DDAH1: variants seen among roughly 807,000 people sequenced by gnomAD.
DDAH1 encodes the protein dimethylarginine dimethylaminohydrolase 1.
A neutral mutation model predicts 28.8 loss-of-function variants in DDAH1; 19 were observed. The observed-to-expected ratio is 0.66, with a 90% CI of 0.46 to 0.97. The LOEUF is 0.97. Among genes scored for constraint, DDAH1 ranks in the 50% least tolerant of loss-of-function variants. The pLI, the probability that DDAH1 is intolerant of heterozygous loss-of-function variation, is 0.00. For synonymous variants in DDAH1, 153 were observed against 154.4 expected (o/e 0.99, Z 0.07); for missense variants, 326 against 375.9 (o/e 0.87, Z 1.10).
chr1:85,457,322 G>A (rs1387274789), intron 1 of DDAH1, among the ~76,000 whole-genome samples: 2 of 151,956 alleles, frequency 1.3e-5, no homozygotes, highest in Admixed American at 6.6e-5. Context: ...CTCAATAATC[G>A]CTCCTTCTGG....
intron 4 of DDAH1, among the ~76,000 whole-genome samples, chr1:85,339,137 CTT>C (rs1419968922): frequency 6.6e-6 from 1 of 151,724 alleles, no homozygotes; most frequent in Non-Finnish European, 1.5e-5. Context: ...AGTAGCCGAA[CTT>C]TATGGAGTTC....
intron 2 of DDAH1, among the ~76,000 whole-genome samples, chr1:85,470,396 A>AC (rs1439208707): frequency 6.6e-6 from 1 of 152,140 alleles, no homozygotes; most frequent in Non-Finnish European, 1.5e-5. Context: ...GAGGGAAACT[A>AC]CCCCACATGA....
intron 1 of DDAH1, among the ~76,000 whole-genome samples, chr1:85,429,145 C>T (rs561488707): frequency 6.6e-6 from 1 of 152,176 alleles, no homozygotes; most frequent in African/African-American, 2.4e-5. Context: ...AGGTATTTCT[C>T]CTAATGCTAT....
intron 1 of DDAH1, among the ~76,000 whole-genome samples, chr1:85,499,677 AAAG>A (rs930516410): frequency 2.0e-5 from 3 of 152,158 alleles, no homozygotes; most frequent in Admixed American, 6.5e-5. Flanking sequence ...AAAAAAAAAA[AAAG>A]AAACTTCTTG....
chr1:85,435,417 A>G (rs1027719824), intron 1 of DDAH1: 1 of 152,232 alleles, frequency 6.6e-6, no homozygotes, highest in African/African-American at 2.4e-5. Flanking sequence ...ATATTCATTG[A>G]GCATCTACTA....
chr1:85,494,467 G>C (rs1271257340), intron 2 of DDAH1: 2 of 152,132 alleles, frequency 1.3e-5, no homozygotes, highest in Non-Finnish European at 2.9e-5. Flanking sequence ...TACCACCCAG[G>C]AGACAGCAGG....
chr1:85,412,551 C>T (rs1652698304), intron 1 of DDAH1, among the ~76,000 whole-genome samples: 1 of 152,200 alleles, frequency 6.6e-6, no homozygotes, highest in African/African-American at 2.4e-5. Context: ...AAAACTTCCC[C>T]TTTATTTCCC....
intron 1 of DDAH1, among the ~76,000 whole-genome samples, chr1:85,560,986 T>C (rs539831844): frequency 6.6e-6 from 1 of 152,256 alleles, no homozygotes; most frequent in East Asian, 1.9e-4. Flanking sequence ...AAAATCTATA[T>C]TATGTTATTC....
At chr1:85,527,314 T>C (rs1259871771) in intron 1 of DDAH1, among the ~76,000 whole-genome samples, 1 of 149,596 alleles carries the variant, frequency 6.7e-6, no homozygotes, top group Non-Finnish European at 1.5e-5. Flanking sequence ...AGCGAAAGGC[T>C]TGTGCAGCGG....
intron 4 of DDAH1, among the ~76,000 whole-genome samples, chr1:85,326,339 T>G (rs1477129556): frequency 6.6e-6 from 1 of 152,248 alleles, no homozygotes; most frequent in East Asian, 1.9e-4. Context: ...TTTCCAAGAT[T>G]ACAGTTTAGT....
chr1:85,330,770 T>C (rs1205502802), intron 4 of DDAH1, among the ~76,000 whole-genome samples: 1 of 152,208 alleles, frequency 6.6e-6, no homozygotes, highest in African/African-American at 2.4e-5. Context: ...GATCAATTGG[T>C]GGTCAGCTCT....
chr1:85,516,594 C>G (rs1657486832), intron 1 of DDAH1, among the ~76,000 whole-genome samples: 1 of 150,160 alleles, frequency 6.7e-6, no homozygotes, highest in African/African-American at 2.5e-5. Flanking sequence ...ATGGCCTCAT[C>G]TGATACCAGC....
At chr1:85,485,994 A>G (rs1557682457) in intron 2 of DDAH1, among the ~76,000 whole-genome samples, 1 of 152,294 alleles carries the variant, frequency 6.6e-6, no homozygotes, top group East Asian at 1.9e-4. Context: ...ATTTTTCTGG[A>G]AATTTCACAC....
chr1:85,453,384 C>A (rs1570564287), intron 1 of DDAH1, among the ~76,000 whole-genome samples: 1 of 152,180 alleles, frequency 6.6e-6, no homozygotes, highest in African/African-American at 2.4e-5. Flanking sequence ...AATTACAGCT[C>A]CAAGTCTCAC....
intron 1 of DDAH1, among the ~76,000 whole-genome samples, chr1:85,451,427 T>C (rs1008297167): frequency 6.6e-6 from 1 of 152,198 alleles, no homozygotes; most frequent in African/African-American, 2.4e-5. Flanking sequence ...ACCTGTATTA[T>C]TGCATTTATT....
intron 1 of DDAH1, among the ~76,000 whole-genome samples, chr1:85,372,368 T>C (rs1650428442): frequency 6.6e-6 from 1 of 152,262 alleles, no homozygotes; most frequent in African/African-American, 2.4e-5. Context: ...TCTAACATTG[T>C]GTTAAAAAAT....
intron 2 of DDAH1, among the ~76,000 whole-genome samples, chr1:85,491,036 A>G (rs1656381163): frequency 7.2e-6 from 1 of 139,782 alleles, no homozygotes; most frequent in Non-Finnish European, 1.5e-5. Context: ...TGACAACAGT[A>G]ACATGTATTC....
intron 4 of DDAH1, among the ~76,000 whole-genome samples, chr1:85,344,356 A>G (rs1170661372): frequency 2.0e-5 from 3 of 152,218 alleles, no homozygotes; most frequent in Non-Finnish European, 2.9e-5. Context: ...AAACAAAACA[A>G]GACAAAACAA....
chr1:85,478,143 C>T (rs746490630), intron 2 of DDAH1, among the ~76,000 whole-genome samples: 3 of 152,072 alleles, frequency 2.0e-5, no homozygotes, highest in Non-Finnish European at 4.4e-5. Context: ...ACAGATAAAT[C>T]ATTTTGGAGA....
Sources: allele counts gnomAD v4.1 joint callset (sites outside exome capture counted in the v4.1 genomes callset), GRCh38; gene constraint gnomAD v4.1.1; transcripts MANE v1.5; gene names NCBI Gene and HGNC (gene_info 2026-07-23, HGNC 2026-07-21).